SPATA9: variants seen among roughly 807,000 people sequenced by gnomAD.
SPATA9 encodes the protein spermatogenesis-associated protein 9.
Under a neutral mutation model 25.5 loss-of-function variants are expected in SPATA9, and 27 were observed. The observed-to-expected ratio is 1.06, with a 90% CI of 0.78 to 1.46. The LOEUF (loss-of-function observed/expected upper bound fraction) is 1.46, where lower values mean the gene tolerates loss of function less well. Among genes scored for constraint, SPATA9 ranks in the 40% most tolerant of loss-of-function variants. SPATA9 has a pLI of 0.00. For missense variants in SPATA9, 282 were observed against 297.5 expected, an observed-to-expected ratio of 0.95 and a Z score of 0.38; for synonymous variants, 102 against 105.7, an observed-to-expected ratio of 0.97 and a Z score of 0.21.
the SPATA9 span, among the ~76,000 whole-genome samples, chr5:95,714,957 A>G: frequency 6.6e-6 from 1 of 152,248 alleles, no homozygotes; most frequent in South Asian, 2.1e-4. Context: ...ATATTAATTC[A>G]TAGACTTAAT....
At chr5:95,652,422 T>C, downstream of SPATA9, 1 of 1,479,566 alleles carries the variant, frequency 6.8e-7, no homozygotes, top group Non-Finnish European at 9.1e-7. Flanking sequence ...GTTGTTGACT[T>C]GACATCTCTA....
At chr5:95,663,430 T>C (rs1751460687) in intron 4 of SPATA9, among the ~76,000 whole-genome samples, 2 of 152,192 alleles carry the variant, frequency 1.3e-5, no homozygotes, top group Non-Finnish European at 2.9e-5. Flanking sequence ...CTGGGTAGTA[T>C]AGAGCTTAAT....
chr5:95,731,867 A>G, the SPATA9 span: 1 of 1,612,696 alleles, frequency 6.2e-7, no homozygotes, highest in Non-Finnish European at 8.5e-7. Flanking sequence ...AGGTCCATCC[A>G]CATCGTGGCG....
intron 1 of SPATA9, among the ~76,000 whole-genome samples, chr5:95,696,643 G>A (rs906788474): frequency 5.9e-5 from 9 of 152,160 alleles, no homozygotes; most frequent in East Asian, 1.9e-4. Flanking sequence ...TTGGGAGCTC[G>A]AGGCAAGAGG....
chr5:95,654,532 A>G (rs530651985), downstream of SPATA9, among the ~76,000 whole-genome samples: 27 of 152,340 alleles, frequency 1.8e-4, no homozygotes, highest in Admixed American at 1.4e-3. Flanking sequence ...CCTAGCAATT[A>G]TACTCTATAT....
the SPATA9 span, among the ~76,000 whole-genome samples, chr5:95,711,988 T>C: frequency 6.6e-6 from 1 of 152,170 alleles, no homozygotes; most frequent in African/African-American, 2.4e-5. Flanking sequence ...TTGCCTTTCT[T>C]AAGGCGGACT....
At chr5:95,682,479 A>T in intron 2 of SPATA9, 49 bp downstream of exon 2, 1 of 1,313,170 alleles carries the variant, frequency 7.6e-7, no homozygotes. Flanking sequence ...GATACTAAAA[A>T]TAGAATATAT....
chr5:95,719,110 A>G, the SPATA9 span, among the ~76,000 whole-genome samples: 2,409 of 152,282 alleles, frequency 0.016, 55 homozygotes, highest in African/African-American at 0.053. Flanking sequence ...GAGAACATGG[A>G]CATATCTGGG....
chr5:95,717,023 T>A, the SPATA9 span: 1 of 152,302 alleles, frequency 6.6e-6, no homozygotes, highest in Non-Finnish European at 1.5e-5. Context: ...ATGTCTTTAT[T>A]AGCAGCATGA....
At chr5:95,722,343 T>C in the SPATA9 span, among the ~76,000 whole-genome samples, 1 of 152,180 alleles carries the variant, frequency 6.6e-6, no homozygotes, top group Non-Finnish European at 1.5e-5. Flanking sequence ...ATTATACCAC[T>C]TAACTCTAAC....
chr5:95,731,140 G>C, the SPATA9 span: 2 of 1,016,160 alleles, frequency 2.0e-6, no homozygotes, highest in Non-Finnish European at 2.4e-6. Flanking sequence ...ATATTCCGCG[G>C]CGCCCCGCGC....
rs1048356649 is a variant in SPATA9, at chr5:95,660,886, C to G, written c.475-1973G>C. Among the ~76,000 whole-genome samples, 4 of 152,184 alleles carry G rather than the reference C, an allele frequency of 2.6e-5. No individual in the cohort carries two copies. The East Asian group carries it at 5.8e-4, about 22-fold the overall frequency. On this transcript the variant is annotated intron_variant, in intron 4 of 4. Transcript: ENST00000274432. ...ATCTTCCCCTGCAATTTATAACATA[C>G]TTGAGTATCTTCCATCCTAATATTT...
At chr5:95,653,065 A>G in exon 9 of SPATA9, 2 of 1,547,714 alleles carry the variant, frequency 1.3e-6, no homozygotes, top group Non-Finnish European at 8.7e-7. Context: ...TCTGGAACAC[A>G]TTCACCAAGA....
chr5:95,682,252 T>G (rs182707271), intron 2 of SPATA9, among the ~76,000 whole-genome samples: 34 of 152,284 alleles, frequency 2.2e-4, no homozygotes, highest in Middle Eastern at 3.4e-3. Context: ...ACATTGCAAT[T>G]GTAGTGTTGA....
the SPATA9 span, chr5:95,719,524 G>C: frequency 6.6e-6 from 1 of 152,220 alleles, no homozygotes; most frequent in South Asian, 2.1e-4. Context: ...GTAATACCCT[G>C]ATACTGGGTA....
At chr5:95,667,316 G>C (rs527793649) in intron 3 of SPATA9, among the ~76,000 whole-genome samples, 6 of 151,284 alleles carry the variant, frequency 4.0e-5, no homozygotes, top group African/African-American at 9.7e-5. Context: ...AGCTAAGAGT[G>C]GGGGGGTGGG....
chr5:95,711,706 G>A, the SPATA9 span, among the ~76,000 whole-genome samples: 1 of 152,236 alleles, frequency 6.6e-6, no homozygotes, highest in South Asian at 2.1e-4. Flanking sequence ...GGCAGTACAG[G>A]GGGAGCCGAA....
upstream of SPATA9, among the ~76,000 whole-genome samples, chr5:95,701,775 A>G (rs1754183564): frequency 6.6e-6 from 1 of 152,184 alleles, no homozygotes; most frequent in Admixed American, 6.6e-5. Context: ...AGAAAACACC[A>G]CTTTGTGAAA....
At chr5:95,654,339 G>A (rs1402394183), downstream of SPATA9, 1 of 1,608,996 alleles carries the variant, frequency 6.2e-7, no homozygotes, top group Non-Finnish European at 8.5e-7. Flanking sequence ...TCAGACTCAG[G>A]AGGACCTTTA....
Sources: allele counts gnomAD v4.1 joint callset (sites outside exome capture counted in the v4.1 genomes callset), GRCh38; gene constraint gnomAD v4.1.1; transcripts MANE v1.5; gene names NCBI Gene and HGNC (gene_info 2026-07-23, HGNC 2026-07-21).